Variants in ARHGAP15 observed in about 807,000 individuals in gnomAD.
ARHGAP15 encodes rho GTPase-activating protein 15.
ARHGAP15 carries 51 observed loss-of-function variants against 63.7 expected under a neutral mutation model. That is an observed-to-expected ratio of 0.80 (90% confidence interval 0.64 to 1.01). The LOEUF is 1.01. ARHGAP15 is among the 50% of genes least tolerant of loss of function. The probability of loss-of-function intolerance (pLI) is 0.00; values close to 1 mark genes in which losing one functional copy is unlikely to be tolerated. For missense variants in ARHGAP15, 560 were observed against 564.6 expected, an observed-to-expected ratio of 0.99 and a Z score of 0.08; for synonymous variants, 191 against 193.8, an observed-to-expected ratio of 0.99 and a Z score of 0.12.
chr2:143,553,495 A>T (rs955172778), intron 10 of ARHGAP15, among the ~76,000 whole-genome samples: 2 of 152,194 alleles, frequency 1.3e-5, no homozygotes, highest in African/African-American at 4.8e-5. Context: ...GCCACAGAGC[A>T]GTTTCTCTGC....
intron 9 of ARHGAP15, among the ~76,000 whole-genome samples, chr2:143,490,243 C>T (rs1321478902): frequency 6.6e-6 from 1 of 152,244 alleles, no homozygotes; most frequent in African/African-American, 2.4e-5. Context: ...TCGTGATCCA[C>T]CCGCCTCAGC....
intron 10 of ARHGAP15, among the ~76,000 whole-genome samples, chr2:143,555,741 C>T (rs1261910652): frequency 6.6e-6 from 1 of 152,080 alleles, no homozygotes. Flanking sequence ...TGGAGCACCT[C>T]ATTACCTATA....
At chr2:143,228,535 C>T (rs1334390148) in intron 4 of ARHGAP15, 46 bp from the exon 5 acceptor site, 6 of 1,349,550 alleles carry the variant, frequency 4.4e-6, no homozygotes, top group Non-Finnish European at 6.3e-6. Context: ...TAAATGATTT[C>T]TTCAACTGAT....
At chr2:143,241,992 G>A (rs1693880143) in intron 5 of ARHGAP15, among the ~76,000 whole-genome samples, 1 of 152,174 alleles carries the variant, frequency 6.6e-6, no homozygotes, top group Non-Finnish European at 1.5e-5. Flanking sequence ...AGCAGAAGAA[G>A]GAAAAGGAAT....
At chr2:143,466,270 G>A (rs1236291719) in intron 8 of ARHGAP15, among the ~76,000 whole-genome samples, 1 of 151,970 alleles carries the variant, frequency 6.6e-6, no homozygotes, top group African/African-American at 2.4e-5. Flanking sequence ...GGAAACAATT[G>A]GCTTTTATGG....
At chr2:143,718,033 G>C (rs555724125) in intron 13 of ARHGAP15, among the ~76,000 whole-genome samples, 25 of 152,246 alleles carry the variant, frequency 1.6e-4, no homozygotes, top group African/African-American at 5.8e-4. Context: ...GCAGAAATTA[G>C]AGCTGCAGGG....
In ARHGAP15 at chr2:143,678,294, T is replaced by A. The variant is rs1172629268; in HGVS notation, c.1139-25125T>A. ...TATTTACACTTTGAAACCCTTACTT[T>A]CTTTTAGACCAAGCTTAACTCCTAT... On this transcript the variant is annotated intron_variant, in intron 12 of 13. Transcript: ENST00000295095. Among the ~76,000 whole-genome samples the A allele has an allele frequency of 2.0e-5, 3 of 152,232 alleles. No individual in the cohort carries two copies. In the East Asian group the frequency reaches 5.8e-4, roughly 29 times the overall value.
intron 6 of ARHGAP15, among the ~76,000 whole-genome samples, chr2:143,268,671 ATAT>A (rs1428739365): frequency 6.6e-6 from 1 of 152,172 alleles, no homozygotes; most frequent in Non-Finnish European, 1.5e-5. Context: ...GTTGTTAGTA[ATAT>A]TTTTGGATAA....
intron 13 of ARHGAP15, among the ~76,000 whole-genome samples, chr2:143,721,659 A>G (rs1433734883): frequency 6.6e-6 from 1 of 152,196 alleles, no homozygotes; most frequent in African/African-American, 2.4e-5. Flanking sequence ...AAATAAAATC[A>G]AAGTTGCTGA....
At chr2:143,501,979 G>T (rs952127260) in intron 9 of ARHGAP15, among the ~76,000 whole-genome samples, 18 of 152,176 alleles carry the variant, frequency 1.2e-4, no homozygotes, top group African/African-American at 3.9e-4. Flanking sequence ...TGACCGGGCA[G>T]GATGTGAATA....
intron 12 of ARHGAP15, among the ~76,000 whole-genome samples, chr2:143,624,494 C>T (rs1698763292): frequency 6.6e-6 from 1 of 151,938 alleles, no homozygotes; most frequent in Non-Finnish European, 1.5e-5. Flanking sequence ...ATATGACATC[C>T]TATTTAGGGT....
intron 8 of ARHGAP15, among the ~76,000 whole-genome samples, chr2:143,451,012 C>A (rs1329608577): frequency 2.0e-5 from 3 of 151,906 alleles, no homozygotes; most frequent in African/African-American, 7.2e-5. Context: ...GAAATATTCA[C>A]CTCAAGCCCT....
chr2:143,236,568 T>C (rs1002886884), intron 5 of ARHGAP15: 8 of 152,154 alleles, frequency 5.3e-5, no homozygotes, highest in Admixed American at 3.9e-4. Context: ...TAAAATGGCA[T>C]GAACAGAGAC....
chr2:143,239,210 T>G (rs796450597), intron 5 of ARHGAP15, among the ~76,000 whole-genome samples: 19 of 152,188 alleles, frequency 1.2e-4, no homozygotes, highest in African/African-American at 4.6e-4. Flanking sequence ...AATGTATTTT[T>G]AAAAAGTACA....
At chr2:143,212,377 G>A (rs1255456369) in intron 3 of ARHGAP15, among the ~76,000 whole-genome samples, 2 of 152,192 alleles carry the variant, frequency 1.3e-5, no homozygotes. Flanking sequence ...CATCCAGTAT[G>A]AACAAATTGC....
intron 13 of ARHGAP15, among the ~76,000 whole-genome samples, chr2:143,761,999 A>G (rs1319673256): frequency 6.6e-6 from 1 of 152,178 alleles, no homozygotes; most frequent in Non-Finnish European, 1.5e-5. Flanking sequence ...TATTTCATGA[A>G]CAAATTCATA....
At chr2:143,261,325 CTTTTTTTT>C (rs534351317) in intron 6 of ARHGAP15, among the ~76,000 whole-genome samples, 1 of 89,526 alleles carries the variant, frequency 1.1e-5, no homozygotes, top group Non-Finnish European at 2.1e-5. Flanking sequence ...GAGGAATGAC[CTTTTTTTT>C]TTTTTTTTTT....
At chr2:143,537,546 A>G (rs1694837127) in intron 10 of ARHGAP15, among the ~76,000 whole-genome samples, 1 of 152,196 alleles carries the variant, frequency 6.6e-6, no homozygotes, top group African/African-American at 2.4e-5. Flanking sequence ...ATCTTGAATT[A>G]ATTTTTGTAT....
At chr2:143,707,749 G>A (rs1373634638) in intron 13 of ARHGAP15, among the ~76,000 whole-genome samples, 1 of 152,152 alleles carries the variant, frequency 6.6e-6, no homozygotes, top group Admixed American at 6.6e-5. Context: ...TGTAGAACAG[G>A]ATACATCATA....
Sources: allele counts gnomAD v4.1 joint callset (sites outside exome capture counted in the v4.1 genomes callset), GRCh38; gene constraint gnomAD v4.1.1; transcripts MANE v1.5; gene names NCBI Gene and HGNC (gene_info 2026-07-23, HGNC 2026-07-21).